The following FOXN3 variants were observed in gnomAD, a reference collection of about 807,000 sequenced individuals.
FOXN3 encodes forkhead box protein N3.
A neutral mutation model predicts 38.4 loss-of-function variants in FOXN3; 7 were observed. The observed-to-expected ratio is 0.18, with a 90% CI of 0.10 to 0.34. The LOEUF is 0.34. Ranked by LOEUF, FOXN3 falls within the 10% of genes least tolerant of loss-of-function variation. The pLI, the probability that FOXN3 is intolerant of heterozygous loss-of-function variation, is 1.00. For synonymous variants in FOXN3, 230 were observed against 242.2 expected, an observed-to-expected ratio of 0.95 and a Z score of 0.47; for missense variants, 456 against 613.4, an observed-to-expected ratio of 0.74 and a Z score of 2.71.
At chr14:89,613,139 A>AAAC (rs1896428458) in intron 1 of FOXN3, among the ~76,000 whole-genome samples, 2 of 144,590 alleles carry the variant, frequency 1.4e-5, no homozygotes, top group African/African-American at 5.0e-5. Flanking sequence ...AAAAAAAAAA[A>AAAC]AACTCTTACA....
chr14:89,236,331 C>T (rs1884979143), intron 4 of FOXN3, among the ~76,000 whole-genome samples: 1 of 152,090 alleles, frequency 6.6e-6, no homozygotes, highest in African/African-American at 2.4e-5. Context: ...CTGGCTAACA[C>T]AGTGAAACCC....
At chr14:89,573,366 C>T (rs1206625554) in intron 1 of FOXN3, among the ~76,000 whole-genome samples, 3 of 152,152 alleles carry the variant, frequency 2.0e-5, no homozygotes, top group South Asian at 2.1e-4. Flanking sequence ...ATCATCAAGT[C>T]TCATACAGTG....
chr14:89,459,885 T>C (rs186088459), intron 1 of FOXN3, among the ~76,000 whole-genome samples: 14 of 151,912 alleles, frequency 9.2e-5, no homozygotes, highest in African/African-American at 3.4e-4. Flanking sequence ...AAGAGGACTG[T>C]GAGGTACATA....
chr14:89,528,374 A>ATTTTT (rs1280882695), intron 1 of FOXN3, among the ~76,000 whole-genome samples: 15 of 62,198 alleles, frequency 2.4e-4, no homozygotes, highest in African/African-American at 4.5e-4. Flanking sequence ...ACATGGATGA[A>ATTTTT]TCTTTTTTTT....
chr14:89,413,632 C>G (rs1172368896), intron 1 of FOXN3, among the ~76,000 whole-genome samples: 2 of 125,168 alleles, frequency 1.6e-5, no homozygotes, highest in Non-Finnish European at 3.1e-5. Flanking sequence ...GATGCTGTCT[C>G]AAAAGTTTTG....
chr14:89,407,611 T>C (rs990930175), intron 2 of FOXN3, among the ~76,000 whole-genome samples: 3 of 152,110 alleles, frequency 2.0e-5, no homozygotes, highest in Non-Finnish European at 4.4e-5. Flanking sequence ...GCAGGAGGAT[T>C]GCTTGAGGCC....
chr14:89,511,737 T>A (rs562330505), intron 1 of FOXN3, among the ~76,000 whole-genome samples: 7 of 152,312 alleles, frequency 4.6e-5, no homozygotes, highest in African/African-American at 1.4e-4. Context: ...CTGGGTAATT[T>A]ATAAAGAAAA....
At chr14:89,263,629 T>C (rs761818133) in intron 4 of FOXN3, 2 of 152,200 alleles carry the variant, frequency 1.3e-5, no homozygotes, top group Non-Finnish European at 2.9e-5. Context: ...ATGTACATAA[T>C]AAAAATCTGA....
intron 4 of FOXN3, among the ~76,000 whole-genome samples, chr14:89,199,235 T>G (rs1888174359): frequency 6.6e-6 from 1 of 152,174 alleles, no homozygotes; most frequent in Non-Finnish European, 1.5e-5. Flanking sequence ...GGACATGAAC[T>G]GCAAACACCT....
intron 2 of FOXN3, among the ~76,000 whole-genome samples, chr14:89,394,659 G>A (rs1266777950): frequency 6.6e-6 from 1 of 152,222 alleles, no homozygotes; most frequent in Non-Finnish European, 1.5e-5. Flanking sequence ...GCCTGGCCTA[G>A]GGCATCTGGC....
At chr14:89,190,925 G>T (rs1019984912) in intron 4 of FOXN3, among the ~76,000 whole-genome samples, 1 of 152,154 alleles carries the variant, frequency 6.6e-6, no homozygotes, top group Non-Finnish European at 1.5e-5. Context: ...TCAGCAGAAT[G>T]TAAATTGTGT....
intron 4 of FOXN3, among the ~76,000 whole-genome samples, chr14:89,202,195 C>T (rs1237234621): frequency 1.3e-5 from 2 of 152,182 alleles, no homozygotes; most frequent in Admixed American, 6.5e-5. Flanking sequence ...CATAGGCTCA[C>T]TTTGCCTGGG....
chr14:89,485,569 G>A (rs529736640), intron 1 of FOXN3, among the ~76,000 whole-genome samples: 29 of 152,252 alleles, frequency 1.9e-4, no homozygotes, highest in South Asian at 6.2e-4. Context: ...TAGACAGGCA[G>A]AGGCAGGGTG....
chr14:89,484,040 T>C lies in FOXN3; in HGVS notation c.-14-71550A>G, dbSNP rs1893395793. 6.6e-6 allele frequency among the ~76,000 whole-genome samples: 1 copy of C among 152,224 alleles called. No individual in the cohort carries two copies. Among genetic ancestry groups the C allele is most frequent in the Non-Finnish European group, 1.5e-5 (1 of 68,040 alleles). On this transcript the variant is annotated intron_variant, in intron 1 of 6. Transcript: ENST00000345097. The surrounding 1 kb of genome is among the most constrained non-coding windows in gnomAD (Gnocchi z 4.0). ...AGGTTAATCCAAGAAGTCTGGATGC[T>C]TCATCTTACAGACAACCCTAAGACG...
At chr14:89,397,146 C>G (rs4904564) in intron 2 of FOXN3, among the ~76,000 whole-genome samples, 80,878 of 151,812 alleles carry the variant, frequency 0.53, 22,245 homozygotes, top group East Asian at 0.77. Flanking sequence ...AACATGGATG[C>G]AGCTGGAGGC....
chr14:89,520,144 A>C (rs1170261929), intron 1 of FOXN3, among the ~76,000 whole-genome samples: 1 of 149,828 alleles, frequency 6.7e-6, no homozygotes, highest in African/African-American at 2.5e-5. Context: ...CTCCTGAGTA[A>C]CTGGGACTAC....
chr14:89,299,116 C>T (rs1295879383), intron 3 of FOXN3, among the ~76,000 whole-genome samples: 2 of 151,472 alleles, frequency 1.3e-5, no homozygotes, highest in African/African-American at 4.8e-5. Context: ...ATAAGTGCTG[C>T]TATTATCACA....
intron 1 of FOXN3, among the ~76,000 whole-genome samples, chr14:89,474,941 G>A (rs1010845059): frequency 2.0e-5 from 3 of 151,634 alleles, no homozygotes; most frequent in South Asian, 2.1e-4. Flanking sequence ...TCAGCCTCCC[G>A]AGTAGCTGGG....
At chr14:89,368,525 G>T (rs764965817) in intron 2 of FOXN3, among the ~76,000 whole-genome samples, 8 of 152,046 alleles carry the variant, frequency 5.3e-5, no homozygotes, top group Admixed American at 3.3e-4. Flanking sequence ...CACGCCTGTA[G>T]TCCCAGCTAC....
Sources: allele counts gnomAD v4.1 joint callset (sites outside exome capture counted in the v4.1 genomes callset), GRCh38; gene constraint gnomAD v4.1.1; non-coding constraint Gnocchi (gnomAD v3.1); transcripts MANE v1.5; gene names NCBI Gene and HGNC (gene_info 2026-07-23, HGNC 2026-07-21).